The following PHF24 variants were observed in gnomAD, a reference collection of about 807,000 sequenced individuals.
PHF24 encodes Galpha inhibitory interacting protein.
In PHF24, 25 loss-of-function variants were observed where a neutral mutation model predicts 42.6. The observed-to-expected ratio is 0.59, with a 90% CI of 0.43 to 0.82. The LOEUF is 0.82. Among genes scored for constraint, PHF24 ranks in the 40% least tolerant of loss-of-function variants. PHF24 has a pLI of 0.00. For missense variants in PHF24, 470 were observed against 538.1 expected (o/e 0.87, Z 1.25); for synonymous variants, 185 against 204.8 (o/e 0.90, Z 0.83).
the PHF24 span, among the ~76,000 whole-genome samples, chr9:34,951,137 C>T: frequency 6.6e-6 from 1 of 152,136 alleles, no homozygotes; most frequent in African/African-American, 2.4e-5. Flanking sequence ...CTCACACTTC[C>T]TGTGGTTCAA....
the PHF24 span, among the ~76,000 whole-genome samples, chr9:34,823,158 T>A: frequency 2.4e-5 from 3 of 125,906 alleles, no homozygotes; most frequent in African/African-American, 9.2e-5. Context: ...ATTGCGCCAC[T>A]GCAGTCCGCA....
chr9:34,917,145 G>A, the PHF24 span: 952 of 1,070,490 alleles, frequency 8.9e-4, 17 homozygotes, highest in South Asian at 0.011. Context: ...TTACCGGCCC[G>A]TCTGCTCGGC....
At chr9:34,722,913 C>T in the PHF24 span, 2 of 297,826 alleles carry the variant, frequency 6.7e-6, no homozygotes, top group Non-Finnish European at 6.2e-6. Context: ...TAGATAAAAG[C>T]TTTTCTTCTT....
At chr9:34,836,036 G>C in the PHF24 span, 2 of 629,036 alleles carry the variant, frequency 3.2e-6, no homozygotes, top group Non-Finnish European at 6.1e-6. Flanking sequence ...CTTCCCTCTG[G>C]GGGAAGCCAG....
chr9:34,706,393 A>T, the PHF24 span, among the ~76,000 whole-genome samples: 1 of 152,210 alleles, frequency 6.6e-6, no homozygotes, highest in African/African-American at 2.4e-5. Context: ...AAGTACTTAG[A>T]CATATGGCAC....
the PHF24 span, among the ~76,000 whole-genome samples, chr9:34,687,616 GC>G: frequency 6.6e-6 from 1 of 152,186 alleles, no homozygotes; most frequent in Non-Finnish European, 1.5e-5. Context: ...TATCCTGGTA[GC>G]ATCTTCTTCA....
At chr9:34,712,687 C>T in the PHF24 span, among the ~76,000 whole-genome samples, 1 of 151,966 alleles carries the variant, frequency 6.6e-6, no homozygotes. Context: ...TTTCCCTTAA[C>T]TCTTTGCCCA....
At chr9:34,861,770 T>C in the PHF24 span, among the ~76,000 whole-genome samples, 5 of 152,342 alleles carry the variant, frequency 3.3e-5, no homozygotes, top group Non-Finnish European at 5.9e-5. Flanking sequence ...TTATAATGGT[T>C]GCTAAAACTA....
At chr9:34,936,917 C>T in the PHF24 span, among the ~76,000 whole-genome samples, 1 of 151,362 alleles carries the variant, frequency 6.6e-6, no homozygotes, top group Non-Finnish European at 1.5e-5. Context: ...GCCCGGCAGC[C>T]ACCCCGTCTG....
chr9:34,727,030 C>T, the PHF24 span: 1 of 1,525,384 alleles, frequency 6.6e-7, no homozygotes, highest in Non-Finnish European at 8.8e-7. Context: ...GGAGTGACAT[C>T]TGCCTTCTTG....
chr9:34,962,257 T>G (rs1348011911), intron 1 of PHF24, among the ~76,000 whole-genome samples: 2 of 152,208 alleles, frequency 1.3e-5, no homozygotes, highest in Non-Finnish European at 2.9e-5. Flanking sequence ...CCTTGCCTAT[T>G]TCTATCTAGC....
the PHF24 span, among the ~76,000 whole-genome samples, chr9:34,780,743 C>T: frequency 1.2e-4 from 18 of 152,204 alleles, no homozygotes; most frequent in African/African-American, 4.1e-4. Flanking sequence ...TAAATAAATC[C>T]TACAACTCAA....
chr9:34,949,774 T>C, the PHF24 span, among the ~76,000 whole-genome samples: 1 of 151,046 alleles, frequency 6.6e-6, no homozygotes, highest in Non-Finnish European at 1.5e-5. Flanking sequence ...CCGCATGTTC[T>C]CACTCATAAG....
chr9:34,875,301 A>T, the PHF24 span, among the ~76,000 whole-genome samples: 1 of 152,218 alleles, frequency 6.6e-6, no homozygotes, highest in African/African-American at 2.4e-5. Flanking sequence ...TGTCTTTTAG[A>T]GGTAACCAAC....
At chr9:34,831,946 A>G in the PHF24 span, among the ~76,000 whole-genome samples, 3 of 152,176 alleles carry the variant, frequency 2.0e-5, no homozygotes, top group Non-Finnish European at 2.9e-5. Context: ...TTGTGTTTTG[A>G]TAAACACAAA....
the PHF24 span, among the ~76,000 whole-genome samples, chr9:34,701,143 C>T: frequency 2.7e-3 from 416 of 152,242 alleles, 2 homozygotes; most frequent in African/African-American, 9.7e-3. The surrounding 1 kb of genome is among the most constrained non-coding windows in gnomAD (Gnocchi z 5.8). Flanking sequence ...TAGCCTCATC[C>T]TTTTTTCAAG....
chr9:34,753,494 A>G, the PHF24 span, among the ~76,000 whole-genome samples: 1 of 152,124 alleles, frequency 6.6e-6, no homozygotes, highest in Admixed American at 6.5e-5. Context: ...ATTGAAGAGG[A>G]CACAAAAAAT....
chr9:34,969,948 T>C (rs1336112407), intron 1 of PHF24, among the ~76,000 whole-genome samples: 1 of 152,170 alleles, frequency 6.6e-6, no homozygotes, highest in Non-Finnish European at 1.5e-5. Flanking sequence ...AGTAGTGTGG[T>C]GGGTCTCGCC....
the PHF24 span, among the ~76,000 whole-genome samples, chr9:34,878,674 T>C: frequency 6.6e-6 from 1 of 152,086 alleles, no homozygotes; most frequent in African/African-American, 2.4e-5. Flanking sequence ...GGGAGGGGCG[T>C]CCGCCATTGC....
Sources: allele counts gnomAD v4.1 joint callset (sites outside exome capture counted in the v4.1 genomes callset), GRCh38; gene constraint gnomAD v4.1.1; non-coding constraint Gnocchi (gnomAD v3.1); transcripts MANE v1.5; gene names NCBI Gene and HGNC (gene_info 2026-07-23, HGNC 2026-07-21).